UBE2E2: variants seen among roughly 807,000 people sequenced by gnomAD.
UBE2E2 encodes ubiquitin-conjugating enzyme E2 E2.
In UBE2E2, 6 loss-of-function variants were observed where a neutral mutation model predicts 24.7. The observed-to-expected ratio is 0.24, with a 90% CI of 0.13 to 0.48. The LOEUF is 0.48. Ranked by LOEUF, UBE2E2 falls within the 20% of genes least tolerant of loss-of-function variation. The pLI, the probability that UBE2E2 is intolerant of heterozygous loss-of-function variation, is 0.99. For synonymous variants in UBE2E2, 104 were observed against 83.6 expected (o/e 1.24, Z -1.33); for missense variants, 169 against 245.0 (o/e 0.69, Z 2.07).
chr3:23,270,831 G>C, intron 3 of UBE2E2: 1 of 443,256 alleles, frequency 2.3e-6, no homozygotes, highest in Non-Finnish European at 4.5e-6. Context: ...TCTTAGGTGT[G>C]CAATTGTTTT....
At chr3:23,486,248 AAG>A (rs1186706806) in intron 3 of UBE2E2, among the ~76,000 whole-genome samples, 17 of 152,190 alleles carry the variant, frequency 1.1e-4, no homozygotes, top group African/African-American at 3.6e-4. Flanking sequence ...AGCTCCGTGC[AAG>A]GCTGTAGCTG....
intron 3 of UBE2E2, among the ~76,000 whole-genome samples, chr3:23,301,648 G>A (rs928183537): frequency 1.3e-5 from 2 of 152,174 alleles, no homozygotes; most frequent in African/African-American, 4.8e-5. Context: ...TGGAAGTTTT[G>A]TCTCAGAGGA....
chr3:23,507,141 C>T (rs887098468), intron 4 of UBE2E2, among the ~76,000 whole-genome samples: 1 of 152,176 alleles, frequency 6.6e-6, no homozygotes. Flanking sequence ...CTTCTGCCTG[C>T]GTTTGTATGC....
intron 3 of UBE2E2, among the ~76,000 whole-genome samples, chr3:23,430,801 G>A (rs1194429445): frequency 6.6e-6 from 1 of 152,108 alleles, no homozygotes; most frequent in Admixed American, 6.5e-5. Flanking sequence ...GATTACTGGT[G>A]TGAGCCACTA....
rs118122898 is a variant in UBE2E2, at chr3:23,470,081, A to G, written c.228-29527A>G. 5.3e-5 allele frequency among the ~76,000 whole-genome samples: 8 copies of G among 152,298 alleles called. No individual in the cohort carries two copies. The East Asian group carries it at 1.2e-3, about 22-fold the overall frequency. ...CTTAAGAGCATTGCAGTAATGAACTATTTCCTTAGAATGCCAGGTTTACCA... is the reference window on the plus strand; with the variant it reads ...CTTAAGAGCATTGCAGTAATGAACTGTTTCCTTAGAATGCCAGGTTTACCA... On this transcript the variant is annotated intron_variant, in intron 3 of 5. Coordinates refer to ENST00000396703, the MANE Select transcript of UBE2E2 (RefSeq NM_152653.4).
chr3:23,430,506 TTGTG>T (rs1168159159), intron 3 of UBE2E2, among the ~76,000 whole-genome samples: 3 of 151,924 alleles, frequency 2.0e-5, no homozygotes, highest in African/African-American at 7.3e-5. Context: ...TTCTTGGTGG[TTGTG>T]TGGCGTTTTT....
chr3:23,344,985 C>T (rs1005825255), intron 3 of UBE2E2, among the ~76,000 whole-genome samples: 1 of 152,006 alleles, frequency 6.6e-6, no homozygotes, highest in African/African-American at 2.4e-5. Flanking sequence ...TGTGGACTCT[C>T]CCCCAGGTGT....
chr3:23,251,563 T>G (rs1343920625), intron 3 of UBE2E2, among the ~76,000 whole-genome samples: 2 of 152,256 alleles, frequency 1.3e-5, no homozygotes, highest in African/African-American at 4.8e-5. Flanking sequence ...CCCATGTACC[T>G]ACTATGTTTG....
intron 3 of UBE2E2, among the ~76,000 whole-genome samples, chr3:23,253,924 T>C (rs1161460877): frequency 6.6e-6 from 1 of 152,166 alleles, no homozygotes; most frequent in Non-Finnish European, 1.5e-5. Flanking sequence ...TGATCTTTCT[T>C]CTGACCTCTC....
intron 5 of UBE2E2, among the ~76,000 whole-genome samples, chr3:23,586,571 T>A (rs1696632607): frequency 6.6e-6 from 1 of 152,174 alleles, no homozygotes; most frequent in Non-Finnish European, 1.5e-5. Flanking sequence ...GTGCTGGGAT[T>A]ACAGACGTGA....
chr3:23,440,149 C>T (rs960259342), intron 3 of UBE2E2, among the ~76,000 whole-genome samples: 2 of 152,074 alleles, frequency 1.3e-5, no homozygotes, highest in East Asian at 1.9e-4. Context: ...TGGCAGGTGC[C>T]TGTAATCCCA....
chr3:23,354,066 C>T (rs2125324022), intron 3 of UBE2E2, among the ~76,000 whole-genome samples: 1 of 152,226 alleles, frequency 6.6e-6, no homozygotes. Context: ...AGAACAGAGC[C>T]CTCAGAAATA....
At chr3:23,212,785 T>C (rs1359448171) in intron 2 of UBE2E2, among the ~76,000 whole-genome samples, 1 of 152,136 alleles carries the variant, frequency 6.6e-6, no homozygotes, top group Admixed American at 6.5e-5. Context: ...TAAAACTTTT[T>C]AATGTTTCTG....
intron 1 of UBE2E2, among the ~76,000 whole-genome samples, chr3:23,205,261 CTGTT>C (rs1274924808): frequency 1.3e-5 from 2 of 152,118 alleles, no homozygotes; most frequent in African/African-American, 4.8e-5. Context: ...TGGAGAGTAG[CTGTT>C]TGTTTATAAC....
intron 3 of UBE2E2, among the ~76,000 whole-genome samples, chr3:23,301,110 C>G (rs1011845344): frequency 2.6e-5 from 4 of 152,190 alleles, no homozygotes; most frequent in African/African-American, 9.7e-5. Context: ...TCACGTAGCT[C>G]TCATGCCTTG....
rs182218559 is a variant in UBE2E2 at position 23,573,382 on chromosome 3, T to A, written c.509-16352T>A. Reference sequence around the variant, plus strand: ...GCTTTGAATTCTTAAATTTTTTAAATTTATATTTGGCCAGAGACATCATAA... The same window carrying A: ...GCTTTGAATTCTTAAATTTTTTAAAATTATATTTGGCCAGAGACATCATAA... On this transcript the variant is annotated intron_variant, in intron 5 of 5. Coordinates refer to ENST00000396703, the MANE Select transcript of UBE2E2 (RefSeq NM_152653.4). Among the ~76,000 whole-genome samples the A allele has an allele frequency of 1.8e-3, 267 of 152,286 alleles. 1 individual carries two copies. Among genetic ancestry groups the A allele is most frequent in the African/African-American group, 6.2e-3 (257 of 41,574 alleles).
chr3:23,503,834 C>T (rs532914708), intron 4 of UBE2E2, among the ~76,000 whole-genome samples: 6 of 150,972 alleles, frequency 4.0e-5, no homozygotes, highest in Non-Finnish European at 8.9e-5. Context: ...GCCTGGGGGA[C>T]GGAGCAAGAC....
intron 3 of UBE2E2, among the ~76,000 whole-genome samples, chr3:23,401,436 G>A (rs1697219839): frequency 6.6e-6 from 1 of 152,112 alleles, no homozygotes; most frequent in Non-Finnish European, 1.5e-5. Flanking sequence ...CACGATTCAG[G>A]TGAGAAAACC....
chr3:23,464,078 A>G (rs894371579), intron 3 of UBE2E2, among the ~76,000 whole-genome samples: 15 of 152,138 alleles, frequency 9.9e-5, no homozygotes, highest in African/African-American at 3.4e-4. Flanking sequence ...CAGAAAATCA[A>G]CGACTTTGAC....
Sources: allele counts gnomAD v4.1 joint callset (sites outside exome capture counted in the v4.1 genomes callset), GRCh38; gene constraint gnomAD v4.1.1; transcripts MANE v1.5; gene names NCBI Gene and HGNC (gene_info 2026-07-23, HGNC 2026-07-21).